Variants in SMG9 observed in about 807,000 individuals in gnomAD.
SMG9 encodes the protein SMG9 nonsense mediated mRNA decay factor, also known as nonsense-mediated mRNA decay factor SMG9.
SMG9 carries 55 observed loss-of-function variants against 64.0 expected under a neutral mutation model. The ratio of observed to expected loss-of-function variants is 0.86; its 90% CI spans 0.69 to 1.08. The LOEUF (loss-of-function observed/expected upper bound fraction) is 1.08. Ranked by LOEUF, SMG9 falls within the 50% of genes least tolerant of loss-of-function variation. SMG9 has a pLI of 0.00. For synonymous variants in SMG9, 244 were observed against 254.8 expected, an observed-to-expected ratio of 0.96 and a Z score of 0.41; for missense variants, 554 against 681.3, an observed-to-expected ratio of 0.81 and a Z score of 2.08.
intron 5 of SMG9, 42 bp downstream of exon 5, chr19:43,747,400 C>A (rs1200331930): frequency 6.3e-7 from 1 of 1,586,598 alleles, no homozygotes; most frequent in South Asian, 1.1e-5. Flanking sequence ...TCAGAGGATG[C>A]AGGATGTGCG....
chr19:43,752,735 A>G lies in SMG9; in HGVS notation c.-7+1919T>C, dbSNP rs77785874. Among the ~76,000 whole-genome samples the G allele has an allele frequency of 4.0e-3, 610 of 152,004 alleles. 12 individuals carry two copies. Among genetic ancestry groups the G allele is most frequent in the East Asian group, 0.02 (105 of 5,176 alleles). On this transcript the variant is annotated intron_variant, in intron 1 of 13. Transcript: ENST00000270066. ...CAACATAGCAAGATCCTGTCTCTAT[A>G]TAACATTTAAAAAAGAAAAAAGTAG...
intron 2 of SMG9, chr19:43,748,561 A>G: frequency 4.2e-6 from 2 of 480,712 alleles, no homozygotes; most frequent in Admixed American, 4.2e-5. Flanking sequence ...GGTGCTCACT[A>G]TGTGAGAGCT....
chr19:43,732,073 G>GT (rs1968503825), intron 13 of SMG9, among the ~76,000 whole-genome samples: 1 of 152,168 alleles, frequency 6.6e-6, no homozygotes, highest in Non-Finnish European at 1.5e-5. Context: ...CTGGGTCCTG[G>GT]TTTAGACCAA....
Position 43,747,555 on chromosome 19 carries a change from A to T in SMG9, c.491-16T>A, listed in dbSNP as rs556594741. On this transcript the variant is annotated splice_polypyrimidine_tract_variant and intron_variant, in intron 4 of 13. Transcript: ENST00000270066. ...CCCACGACAGCTGGAGATTGGAGAA[A>T]GCAGGAGACAGAGGATGCAGTGAGG... The T allele has an allele frequency of 1.2e-5, 19 of 1,614,202 alleles. No individual in the cohort carries two copies. Among genetic ancestry groups the T allele is most frequent in the Non-Finnish European group, 1.5e-5 (18 of 1,180,036 alleles).
chr19:43,752,376 C>T (rs1292811689), intron 1 of SMG9, among the ~76,000 whole-genome samples: 3 of 152,232 alleles, frequency 2.0e-5, no homozygotes, highest in African/African-American at 7.2e-5. Context: ...GTTTGTAGAA[C>T]TCAGTGGGGC....
chr19:43,746,160 G>A (rs966261163), intron 5 of SMG9, among the ~76,000 whole-genome samples: 2 of 152,196 alleles, frequency 1.3e-5, no homozygotes, highest in African/African-American at 4.8e-5. Flanking sequence ...GCAACAGAGC[G>A]AGACCGTCTC....
chr19:43,751,101 A>C (rs1969179764), intron 1 of SMG9, among the ~76,000 whole-genome samples: 1 of 151,586 alleles, frequency 6.6e-6, no homozygotes, highest in Non-Finnish European at 1.5e-5. Flanking sequence ...CTGGGATTAC[A>C]GATGTGAGCC....
At chr19:43,733,945 T>C (rs1430678997) in intron 10 of SMG9, 8 of 589,614 alleles carry the variant, frequency 1.4e-5, no homozygotes, top group Non-Finnish European at 2.4e-5. Context: ...CTAGTCTCTT[T>C]GAGGCCCTAG....
In SMG9 at chr19:43,736,262, T is replaced by G. The variant is rs577288527; in HGVS notation, c.995+1335A>C. 2.6e-5 allele frequency among the ~76,000 whole-genome samples: 4 copies of G among 152,348 alleles called. No homozygotes were observed. In the East Asian group the frequency reaches 7.7e-4, roughly 29 times the overall value. On this transcript the variant is annotated intron_variant, in intron 9 of 13. Coordinates refer to ENST00000270066, the MANE Select transcript of SMG9 (RefSeq NM_019108.4). Reference sequence around the variant, plus strand: ...CAACATAATGCTGCTGATGAGGAACTGAGGAGGAAACAGACACATGCCCAG... The same window carrying G: ...CAACATAATGCTGCTGATGAGGAACGGAGGAGGAAACAGACACATGCCCAG...
In SMG9 at chr19:43,734,414, T is replaced by C. The variant is rs781566034; in HGVS notation, c.1077A>G (p.Glu359=). The C allele has an allele frequency of 5.1e-6, 8 of 1,557,836 alleles. No individual in the cohort carries two copies. Among genetic ancestry groups the C allele is most frequent in the Non-Finnish European group, 6.1e-6 (7 of 1,150,124 alleles). The change falls in exon 10 of 14, where the codon GAA becomes GAG. Residue 359 remains glutamate, a synonymous_variant. Coordinates refer to ENST00000270066, the MANE Select transcript of SMG9 (RefSeq NM_019108.4). ...HESSSSSGSD[E]GTEYYPHLVF... ...CTAGGTGGGGGTAGTACTCGGTGCC[T>C]TCATCGGAGCCCGATGAGCTGCTGG...
chr19:43,748,612 C>G (rs1400791519), intron 2 of SMG9: 1 of 518,056 alleles, frequency 1.9e-6, no homozygotes, highest in Non-Finnish European at 3.9e-6. Context: ...TGCCTCAGCC[C>G]CCTCCTGCTC....
In SMG9 at chr19:43,753,289, C is replaced by T. The variant is rs909740581; in HGVS notation, c.-7+1365G>A. 3.9e-5 allele frequency among the ~76,000 whole-genome samples: 6 copies of T among 152,208 alleles called. No homozygotes were observed. The South Asian group carries it at 1.0e-3, about 26-fold the overall frequency. On this transcript the variant is annotated intron_variant, in intron 1 of 13. Coordinates refer to ENST00000270066, the MANE Select transcript of SMG9 (RefSeq NM_019108.4). ...TTCTCCCCAGAATCTGAGACTCCTC[C>T]CTCACTTGCAATTAAGTGTCTTTAC... is the stretch of plus-strand genomic sequence containing the variant.
chr19:43,752,902 T>TTAAAAAAAAAAAAAAAAAAAAAAAAA (rs1969231724), intron 1 of SMG9, among the ~76,000 whole-genome samples: 14 of 96,298 alleles, frequency 1.5e-4, no homozygotes, highest in Non-Finnish European at 2.9e-4. Flanking sequence ...AGACCCTGTC[T>TTAAAAAAAAAAAAAAAAAAAAAAAAA]AAAAAAAAAA....
At chr19:43,742,131 A>G (rs142888024) in intron 6 of SMG9, among the ~76,000 whole-genome samples, 1 of 152,024 alleles carries the variant, frequency 6.6e-6, no homozygotes, top group East Asian at 1.9e-4. Flanking sequence ...CTGGGTGACA[A>G]AGCGACAATT....
intron 2 of SMG9, chr19:43,748,559 C>T: frequency 2.1e-6 from 1 of 478,274 alleles, no homozygotes; most frequent in Non-Finnish European, 4.2e-6. Flanking sequence ...CAGGTGCTCA[C>T]TATGTGAGAG....
chr19:43,733,529 G>T, intron 11 of SMG9, 77 bp from the exon 12 acceptor site: 1 of 1,609,622 alleles, frequency 6.2e-7, no homozygotes, highest in Non-Finnish European at 8.5e-7. Flanking sequence ...AGTCAAAGCA[G>T]GATCAGGAGA....
chr19:43,754,692 C>T lies in SMG9; in HGVS notation c.-45G>A, dbSNP rs1271023150. 1 of 152,050 alleles carries T rather than the reference C, an allele frequency of 6.6e-6. No individual in the cohort carries two copies. Among genetic ancestry groups the T allele is most frequent in the Non-Finnish European group, 1.5e-5 (1 of 67,986 alleles). 9.4% of individuals were successfully genotyped at this position (152,050 alleles called of 1,614,324 possible). On this transcript the variant is annotated 5_prime_UTR_variant, in exon 1 of 14. Coordinates refer to ENST00000270066, the MANE Select transcript of SMG9 (RefSeq NM_019108.4). Reference sequence around the variant, plus strand: ...TGATTGGTTCTCGGGGCGCGGTGTGCGCTCTCCCGTGACGGGAGTCGGGTG... The same window carrying T: ...TGATTGGTTCTCGGGGCGCGGTGTGTGCTCTCCCGTGACGGGAGTCGGGTG...
intron 1 of SMG9, among the ~76,000 whole-genome samples, chr19:43,753,993 C>G (rs1430399823): frequency 6.6e-6 from 1 of 151,812 alleles, no homozygotes; most frequent in African/African-American, 2.4e-5. Flanking sequence ...TTGGGGATTA[C>G]CCCCAAACTT....
Position 43,740,151 on chromosome 19 carries a change from C to G in SMG9, c.769G>C (p.Asp257His). The G allele has an allele frequency of 6.2e-7, 1 of 1,614,128 alleles. No homozygotes were observed. Among genetic ancestry groups the G allele is most frequent in the Admixed American group, 1.7e-5 (1 of 60,020 alleles). ...ATCCGTTCTTGGGTAATAAAGAAGT[C>G]GATGCCACTGGTCTGGTTGCCCCCT... Reference protein sequence around the residue: ...ERGGNQTSGIDFFITQERIVF... With the variant: ...ERGGNQTSGIHFFITQERIVF... Residue 257 changes from aspartate (D) to histidine (H), a missense_variant, in exon 7 of 14, where the codon GAC becomes CAC. Asp to His is a moderately conservative substitution (Grantham distance 81). Transcript: ENST00000270066.
Sources: allele counts gnomAD v4.1 joint callset (sites outside exome capture counted in the v4.1 genomes callset), GRCh38; gene constraint gnomAD v4.1.1; transcripts MANE v1.5; gene names NCBI Gene and HGNC (gene_info 2026-07-23, HGNC 2026-07-21).